PIP5K1C: variants seen among roughly 807,000 people sequenced by gnomAD.
The protein encoded by PIP5K1C is phosphatidylinositol 4-phosphate 5-kinase type-1 gamma.
PIP5K1C carries 45 observed loss-of-function variants against 80.1 expected under a neutral mutation model. That is an observed-to-expected ratio of 0.56 (90% CI 0.44 to 0.72). The LOEUF (loss-of-function observed/expected upper bound fraction) is 0.72, where lower values mean the gene tolerates loss of function less well. Ranked by LOEUF, PIP5K1C falls within the 30% of genes least tolerant of loss-of-function variation. The pLI, the probability that PIP5K1C is intolerant of heterozygous loss-of-function variation, is 0.00. For missense variants in PIP5K1C, 753 were observed against 954.6 expected, an observed-to-expected ratio of 0.79 and a Z score of 2.78; for synonymous variants, 498 against 420.1, an observed-to-expected ratio of 1.19 and a Z score of -2.27.
chr19:3,635,982 A>AAAC lies in PIP5K1C; in HGVS notation c.1921-2463_1921-2462insGTT, dbSNP rs1568306577. ...GCGACAGAACGAGACTCTGTCTCAA[A>AAAC]AAACAAACAAACAAAAAACTCAAAA... is the stretch of plus-strand genomic sequence containing the variant. On this transcript the variant is annotated intron_variant, in intron 16 of 17. Transcript: ENST00000335312. Among the ~76,000 whole-genome samples, 21 of 151,058 alleles carry AAAC rather than the reference A, an allele frequency of 1.4e-4. No individual in the cohort carries two copies. In the East Asian group the frequency reaches 3.3e-3, roughly 24 times the overall value.
In PIP5K1C at chr19:3,652,732, G is replaced by A. The variant is rs866589963; in HGVS notation, c.921+558C>T. Among the ~76,000 whole-genome samples, 12 of 152,258 alleles carry A rather than the reference G, an allele frequency of 7.9e-5. No individual in the cohort carries two copies. The South Asian group carries it at 2.5e-3, about 32-fold the overall frequency. On this transcript the variant is annotated intron_variant, in intron 7 of 17. Transcript: ENST00000335312. ...CCAGACCCTCACTGGACGCACATGGGCCCTCACTGTGGCCTGCAGAGCAAG... is the reference window on the plus strand; with the variant it reads ...CCAGACCCTCACTGGACGCACATGGACCCTCACTGTGGCCTGCAGAGCAAG...
chr19:3,691,553 G>A (rs549702859), intron 1 of PIP5K1C, among the ~76,000 whole-genome samples: 2 of 152,190 alleles, frequency 1.3e-5, no homozygotes, highest in African/African-American at 2.4e-5. Flanking sequence ...GCAAACAGTC[G>A]GGAGTCAAAC....
intron 1 of PIP5K1C, among the ~76,000 whole-genome samples, chr19:3,685,164 G>A (rs1217665505): frequency 6.6e-6 from 1 of 152,194 alleles, no homozygotes; most frequent in Non-Finnish European, 1.5e-5. Context: ...AAACCAGCCT[G>A]CCAGCAATGG....
chr19:3,655,278 C>A (rs531000131), intron 6 of PIP5K1C, among the ~76,000 whole-genome samples: 2 of 151,494 alleles, frequency 1.3e-5, no homozygotes, highest in Admixed American at 6.6e-5. Context: ...AATAGCCAGG[C>A]GTGGTGGCGG....
chr19:3,680,860 C>T (rs545565625), intron 1 of PIP5K1C, among the ~76,000 whole-genome samples: 124 of 152,262 alleles, frequency 8.1e-4, no homozygotes, highest in African/African-American at 2.9e-3. Context: ...GAGACTCTGC[C>T]CTCCAGGGCA....
intron 1 of PIP5K1C, among the ~76,000 whole-genome samples, chr19:3,699,807 G>A (rs574641859): frequency 6.6e-6 from 1 of 152,182 alleles, no homozygotes; most frequent in Non-Finnish European, 1.5e-5. Context: ...CAGCCGGGGC[G>A]GTGGAGGCAT....
intron 3 of PIP5K1C, among the ~76,000 whole-genome samples, chr19:3,664,451 G>A (rs997781717): frequency 6.6e-6 from 1 of 152,150 alleles, no homozygotes; most frequent in Non-Finnish European, 1.5e-5. Context: ...CTACCAACAC[G>A]GTGTGAGCCA....
At chr19:3,680,241 C>G (rs997738816) in intron 1 of PIP5K1C, among the ~76,000 whole-genome samples, 13 of 152,194 alleles carry the variant, frequency 8.5e-5, no homozygotes, top group African/African-American at 2.9e-4. Context: ...AATCAGCAAG[C>G]ATCTCTTGGG....
rs1352134840 is a variant in PIP5K1C, at chr19:3,689,229, C to G, written c.94+11068G>C. ...CCTTGAAATAAAAACGAACATACAA[C>G]AAGGTCACGTATCGACTGGCTGATG... is the stretch of plus-strand genomic sequence containing the variant. On this transcript the variant is annotated intron_variant, in intron 1 of 17. Transcript: ENST00000335312. 2.6e-5 allele frequency among the ~76,000 whole-genome samples: 4 copies of G among 152,096 alleles called. No homozygotes were observed. The East Asian group carries it at 7.7e-4, about 29-fold the overall frequency.
At chr19:3,636,585 C>CAG (rs1417095374) in intron 16 of PIP5K1C, 27 of 985,496 alleles carry the variant, frequency 2.7e-5, no homozygotes, top group Non-Finnish European at 3.1e-5. Flanking sequence ...CCCCTCTGGG[C>CAG]AGCTCCTGGA....
In PIP5K1C at chr19:3,669,187, G is replaced by C. The variant is rs2035119001; in HGVS notation, c.95-1834C>G. On this transcript the variant is annotated intron_variant, in intron 1 of 17. Coordinates refer to ENST00000335312, the MANE Select transcript of PIP5K1C (RefSeq NM_012398.3). ...GGGTGCTGGGGCAGGCCCTCAAAGG[G>C]GATTATTATGAGCCCGTGGAGACAC... 2.6e-5 allele frequency among the ~76,000 whole-genome samples: 4 copies of C among 152,176 alleles called. No homozygotes were observed. In the South Asian group the frequency reaches 8.3e-4, roughly 31 times the overall value.
chr19:3,654,527 T>C (rs1226533355), intron 6 of PIP5K1C, among the ~76,000 whole-genome samples: 1 of 151,938 alleles, frequency 6.6e-6, no homozygotes, highest in Non-Finnish European at 1.5e-5. Context: ...TTTTAAAAAG[T>C]GGAAAGGGCC....
chr19:3,695,610 C>T (rs997612241), intron 1 of PIP5K1C, among the ~76,000 whole-genome samples: 3 of 152,206 alleles, frequency 2.0e-5, no homozygotes, highest in Non-Finnish European at 4.4e-5. Context: ...CAGTGCCTGA[C>T]CTGCATCCCG....
chr19:3,638,278 G>A (rs2033791782), intron 16 of PIP5K1C, among the ~76,000 whole-genome samples: 1 of 152,146 alleles, frequency 6.6e-6, no homozygotes, highest in African/African-American at 2.4e-5. Flanking sequence ...GCAAGGGAGA[G>A]CAGGGATCCC....
At chr19:3,640,311 C>G (rs1323664539) in intron 15 of PIP5K1C, among the ~76,000 whole-genome samples, 1 of 152,028 alleles carries the variant, frequency 6.6e-6, no homozygotes, top group African/African-American at 2.4e-5. Flanking sequence ...GTCAGGAGTT[C>G]GAGACCAGCC....
Position 3,649,861 on chromosome 19 carries a change from C to A in PIP5K1C, c.1128-1153G>T, listed in dbSNP as rs541197200. ...CGCGGGAGTTAACTGTCACCCGGCA[C>A]CGTGCCCACACGTCCCCTGCCCAGC... On this transcript the variant is annotated intron_variant, in intron 8 of 17. Transcript: ENST00000335312. 2,260 of 262,648 alleles carry A rather than the reference C, an allele frequency of 8.6e-3. 4 individuals carry two copies. Among genetic ancestry groups the A allele is most frequent in the Non-Finnish European group, 0.013 (1,754 of 132,468 alleles). 16.3% of individuals were successfully genotyped at this position (262,648 alleles called of 1,614,324 possible).
chr19:3,645,603 C>T (rs557938536), intron 11 of PIP5K1C, among the ~76,000 whole-genome samples: 1 of 152,312 alleles, frequency 6.6e-6, no homozygotes, highest in East Asian at 1.9e-4. Context: ...TGGGCAGCCC[C>T]ACACACTGTG....
rs2034063741 is a variant in PIP5K1C at position 3,643,359 on chromosome 19, G to A, written c.1533C>T (p.Cys511=). The change falls in exon 13 of 18, where the codon TGC becomes TGT. Residue 511 remains cysteine (C), a synonymous_variant. Transcript: ENST00000335312. ...EDEGRPDLLP[C]TPPSFEEATT... is the part of the protein sequence containing the mutation. ...TGGCTTCTTCGAAAGAAGGTGGCGTGCAGGGCAGGAGGTCGGGCCGGCCTG... is the reference window on the plus strand; with the variant it reads ...TGGCTTCTTCGAAAGAAGGTGGCGTACAGGGCAGGAGGTCGGGCCGGCCTG... 1.2e-6 allele frequency: 2 copies of A among 1,613,640 alleles called. No homozygotes were observed. The highest frequency in any genetic ancestry group is 1.1e-5 in the South Asian group (1 of 91,092).
intron 1 of PIP5K1C, among the ~76,000 whole-genome samples, chr19:3,684,377 G>A (rs368480581): frequency 2.6e-5 from 4 of 152,316 alleles, no homozygotes; most frequent in East Asian, 1.9e-4. Flanking sequence ...GGACAGGGCC[G>A]AATTCCTTCC....
Sources: allele counts gnomAD v4.1 joint callset (sites outside exome capture counted in the v4.1 genomes callset), GRCh38; gene constraint gnomAD v4.1.1; transcripts MANE v1.5; gene names NCBI Gene and HGNC (gene_info 2026-07-23, HGNC 2026-07-21).